The following PDE10A variants were observed in gnomAD, a reference collection of about 807,000 sequenced individuals.
The protein encoded by PDE10A is cAMP and cAMP-inhibited cGMP 3',5'-cyclic phosphodiesterase 10A.
A neutral mutation model predicts 97.7 loss-of-function variants in PDE10A; 39 were observed. The observed-to-expected ratio is 0.40, with a 90% confidence interval of 0.31 to 0.52. The LOEUF is 0.52. Among genes scored for constraint, PDE10A ranks in the 20% least tolerant of loss-of-function variants. The pLI, the probability that PDE10A is intolerant of heterozygous loss-of-function variation, is 0.56. For synonymous variants in PDE10A, 371 were observed against 376.8 expected (o/e 0.98, Z 0.18); for missense variants, 731 against 1,047.8 (o/e 0.70, Z 4.17).
chr6:165,739,277 C>G (rs1297353294), intron 1 of PDE10A, among the ~76,000 whole-genome samples: 1 of 152,162 alleles, frequency 6.6e-6, no homozygotes, highest in African/African-American at 2.4e-5. Flanking sequence ...ATGGTACTGG[C>G]ATAAAAACAG....
At chr6:165,772,517 G>C (rs534821934) in intron 1 of PDE10A, among the ~76,000 whole-genome samples, 6 of 152,236 alleles carry the variant, frequency 3.9e-5, no homozygotes, top group African/African-American at 1.4e-4. Flanking sequence ...CAGGGCCCGC[G>C]TTGCCATGGG....
At chr6:165,518,705 G>A (rs972266218) in intron 2 of PDE10A, among the ~76,000 whole-genome samples, 11 of 152,316 alleles carry the variant, frequency 7.2e-5, no homozygotes, top group Admixed American at 3.3e-4. Flanking sequence ...TGTCTGCTGA[G>A]GTTGCTAAGA....
intron 2 of PDE10A, among the ~76,000 whole-genome samples, chr6:165,529,029 T>G (rs560509592): frequency 5.1e-4 from 78 of 152,152 alleles, no homozygotes; most frequent in Non-Finnish European, 9.4e-4. Context: ...AATTTTTGCT[T>G]CCTGTTCCTG....
At position 165,605,006 on chromosome 6, in the gene PDE10A, T is replaced by C. The variant is rs534504562; in HGVS notation, c.865+56941A>G. Among the ~76,000 whole-genome samples the C allele has an allele frequency of 1.1e-3, 160 of 152,340 alleles. 3 individuals carry two copies. Among genetic ancestry groups the C allele is most frequent in the Admixed American group, 0.01 (158 of 15,298 alleles). On this transcript the variant is annotated intron_variant, in intron 1 of 21. Coordinates refer to ENST00000539869, the MANE Select transcript of PDE10A (RefSeq NM_001385079.1). The stretch of plus-strand genomic sequence containing the variant: ...ACAAACAACCCTCCAGTCACCACAT[T>C]AGAAGTGTGGTAGCTCTCCTGAACC...
intron 1 of PDE10A, among the ~76,000 whole-genome samples, chr6:165,685,568 CT>C: frequency 6.6e-6 from 1 of 152,130 alleles, no homozygotes; most frequent in Non-Finnish European, 1.5e-5. Context: ...GAATCCCTGC[CT>C]TTTCTTTGGA....
At chr6:165,946,738 C>A (rs1463065711) in intron 1 of PDE10A, 1 of 151,976 alleles carries the variant, frequency 6.6e-6, no homozygotes, top group African/African-American at 2.4e-5. Context: ...ATCATTCAGG[C>A]CTTACTACAT....
At chr6:165,670,231 T>G (rs1447108172) in intron 1 of PDE10A, among the ~76,000 whole-genome samples, 1 of 152,248 alleles carries the variant, frequency 6.6e-6, no homozygotes, top group East Asian at 1.9e-4. Flanking sequence ...TCTCTGGTCC[T>G]TGTGTGAGCA....
chr6:165,397,702 C>CAAAAAAAAAAAA (rs71026686), intron 13 of PDE10A, among the ~76,000 whole-genome samples: 3 of 88,386 alleles, frequency 3.4e-5, no homozygotes, highest in African/African-American at 4.6e-5. Context: ...AACTCCATCT[C>CAAAAAAAAAAAA]AAAAAAAAAA....
chr6:165,856,646 C>T (rs1033269881), intron 1 of PDE10A, among the ~76,000 whole-genome samples: 11 of 152,204 alleles, frequency 7.2e-5, no homozygotes, highest in South Asian at 2.1e-4. Flanking sequence ...CTATTATACA[C>T]GTTGTTAGTT....
rs774048919 is a variant in PDE10A, at chr6:165,661,961, C to T, written c.851G>A (p.Cys284Tyr). 8.9e-7 allele frequency: 1 copy of T among 1,117,450 alleles called. No homozygotes were observed. Among genetic ancestry groups the T allele is most frequent in the South Asian group, 1.4e-5 (1 of 73,778 alleles). 69.2% of individuals were successfully genotyped at this position (1,117,450 alleles called of 1,614,324 possible). A position where few individuals can be genotyped will look rare whatever the true frequency, so the allele number is the denominator to read the frequency against. Reference protein sequence around the residue: ...NASCFRRLTECFLSPSLTDEK... With the variant: ...NASCFRRLTEYFLSPSLTDEK... ...AGGCCACTTACTGGGGCTCAGGAAGCACTCGGTCAGCCTTCGGAAGCAGCT... is the reference window on the plus strand; with the variant it reads ...AGGCCACTTACTGGGGCTCAGGAAGTACTCGGTCAGCCTTCGGAAGCAGCT... The change falls in exon 1 of 22, where the codon TGC becomes TAC. Residue 284 changes from cysteine to tyrosine, a missense_variant. This residue lies in a region of PDE10A where 181 missense variants were observed against 159.1 expected (regional missense o/e 1.14). Transcript: ENST00000539869. This position sits in a 1 kb window ranked among gnomAD's most constrained non-coding sequence, Gnocchi z 4.8.
upstream of PDE10A, among the ~76,000 whole-genome samples, chr6:165,664,342 A>C (rs901971285): frequency 8.6e-5 from 13 of 151,444 alleles, no homozygotes; most frequent in Non-Finnish European, 1.8e-4. Context: ...GCTTTCCCCG[A>C]CTCCCATCCA....
chr6:165,363,304 CAGG>C (rs1183912038), intron 18 of PDE10A, among the ~76,000 whole-genome samples: 2 of 152,100 alleles, frequency 1.3e-5, no homozygotes, highest in African/African-American at 2.4e-5. Context: ...ACCATGAGGT[CAGG>C]AGTTCAAGAC....
intron 1 of PDE10A, among the ~76,000 whole-genome samples, chr6:165,610,977 G>A (rs965717344): frequency 1.3e-5 from 2 of 151,744 alleles, no homozygotes; most frequent in Non-Finnish European, 1.5e-5. Context: ...CCTTCCAATC[G>A]GGAGAGTTGC....
intron 2 of PDE10A, among the ~76,000 whole-genome samples, chr6:165,521,514 T>C (rs969138487): frequency 9.2e-5 from 14 of 152,186 alleles, no homozygotes; most frequent in African/African-American, 2.7e-4. Flanking sequence ...TCAAGGAAAT[T>C]ATAAGTTCTA....
chr6:165,904,019 T>C (rs1182625491), intron 1 of PDE10A, among the ~76,000 whole-genome samples: 2 of 152,070 alleles, frequency 1.3e-5, no homozygotes, highest in Non-Finnish European at 2.9e-5. Flanking sequence ...GAATCTCAGC[T>C]GAGGAAGTGG....
chr6:165,652,914 T>C (rs1425720443), intron 1 of PDE10A, among the ~76,000 whole-genome samples: 1 of 152,138 alleles, frequency 6.6e-6, no homozygotes, highest in Non-Finnish European at 1.5e-5. Context: ...TCTAAACACT[T>C]ATCTCCCTCC....
chr6:165,355,855 T>TCA (rs1782988084), intron 18 of PDE10A, among the ~76,000 whole-genome samples: 2 of 152,188 alleles, frequency 1.3e-5, no homozygotes, highest in African/African-American at 4.8e-5. Context: ...TATGAGTATT[T>TCA]CAGCTGCTTG....
chr6:165,506,874 C>T (rs893566891), intron 2 of PDE10A, among the ~76,000 whole-genome samples: 2 of 152,092 alleles, frequency 1.3e-5, no homozygotes, highest in African/African-American at 4.8e-5. Flanking sequence ...ATCTCTTCGC[C>T]CTACTTTGCA....
chr6:165,602,391 C>G (rs527462905), intron 1 of PDE10A, among the ~76,000 whole-genome samples: 41 of 152,296 alleles, frequency 2.7e-4, no homozygotes, highest in African/African-American at 9.1e-4. Flanking sequence ...TTCGGTCTCT[C>G]TCGGGGAACT....
Sources: gnomAD v4.1 joint callset for allele counts (sites outside exome capture counted in the v4.1 genomes callset) on GRCh38, gnomAD v4.1.1 for gene constraint, gnomAD v4.1.1 regional missense constraint, Gnocchi (gnomAD v3.1) non-coding constraint, MANE v1.5 for transcripts, NCBI Gene and HGNC (gene_info 2026-07-23, HGNC 2026-07-21) for gene names.